Variants in CACNA2D1 observed in about 807,000 individuals in gnomAD.
CACNA2D1 encodes the protein voltage-dependent calcium channel subunit alpha-2/delta-1.
In CACNA2D1, 53 loss-of-function variants were observed where a neutral mutation model predicts 171.5. That is an observed-to-expected ratio of 0.31 (90% confidence interval 0.25 to 0.39). The LOEUF (loss-of-function observed/expected upper bound fraction) is 0.39. CACNA2D1 is among the 10% of genes least tolerant of loss of function. CACNA2D1 has a pLI of 1.00. For synonymous variants in CACNA2D1, 442 were observed against 443.1 expected (o/e 1.00, Z 0.03); for missense variants, 903 against 1,299.8 (o/e 0.69, Z 4.69).
At chr7:82,147,591 C>G (rs1278731670) in intron 4 of CACNA2D1, among the ~76,000 whole-genome samples, 3 of 152,060 alleles carry the variant, frequency 2.0e-5, no homozygotes, top group Non-Finnish European at 4.4e-5. Flanking sequence ...CTCAGACACC[C>G]CACAGATCTT....
At chr7:82,037,818 A>T (rs1803493791) in intron 11 of CACNA2D1, among the ~76,000 whole-genome samples, 1 of 152,210 alleles carries the variant, frequency 6.6e-6, no homozygotes, top group Non-Finnish European at 1.5e-5. Flanking sequence ...ATTCAAAATT[A>T]AATTATTTCC....
intron 3 of CACNA2D1, among the ~76,000 whole-genome samples, chr7:82,190,239 C>A (rs1302531353): frequency 6.6e-6 from 1 of 151,808 alleles, no homozygotes; most frequent in Non-Finnish European, 1.5e-5. Context: ...GACTGCATTA[C>A]TCTTGTTCTA....
chr7:82,147,087 AAC>A (rs1240514486), intron 4 of CACNA2D1, among the ~76,000 whole-genome samples: 1 of 151,496 alleles, frequency 6.6e-6, no homozygotes, highest in Non-Finnish European at 1.5e-5. Context: ...CATAATTCAT[AAC>A]AGTCAAAAAA....
At chr7:82,165,670 A>T (rs12707474) in intron 4 of CACNA2D1, among the ~76,000 whole-genome samples, 1 of 151,614 alleles carries the variant, frequency 6.6e-6, no homozygotes, top group Non-Finnish European at 1.5e-5. Context: ...AGAATTTTGG[A>T]GTAAATGAGC....
chr7:82,097,161 G>A (rs1204042383), intron 6 of CACNA2D1, among the ~76,000 whole-genome samples: 5 of 152,260 alleles, frequency 3.3e-5, no homozygotes, highest in African/African-American at 4.8e-5. Context: ...TAGACATAGG[G>A]CATTCTGGGA....
intron 1 of CACNA2D1, among the ~76,000 whole-genome samples, chr7:82,365,433 A>G (rs1821574045): frequency 6.6e-6 from 1 of 152,190 alleles, no homozygotes; most frequent in East Asian, 1.9e-4. Context: ...TTATAAGACT[A>G]TTTTTATTCA....
chr7:82,271,811 C>T (rs746732553), intron 3 of CACNA2D1, among the ~76,000 whole-genome samples: 1 of 151,858 alleles, frequency 6.6e-6, no homozygotes, highest in Non-Finnish European at 1.5e-5. Context: ...TTTCCTGAAT[C>T]GATTTCAACT....
chr7:82,038,876 T>A (rs1803626287), intron 10 of CACNA2D1, among the ~76,000 whole-genome samples: 1 of 152,030 alleles, frequency 6.6e-6, no homozygotes, highest in Non-Finnish European at 1.5e-5. Flanking sequence ...AGAGAAAACA[T>A]CAACTCCAAC....
chr7:82,213,945 T>C (rs1024938296), intron 3 of CACNA2D1, among the ~76,000 whole-genome samples: 1 of 152,144 alleles, frequency 6.6e-6, no homozygotes, highest in African/African-American at 2.4e-5. Context: ...GGCTGGGAAG[T>C]CCAAGATCAA....
chr7:82,273,757 C>A (rs1808944544), intron 3 of CACNA2D1, among the ~76,000 whole-genome samples: 1 of 152,134 alleles, frequency 6.6e-6, no homozygotes, highest in African/African-American at 2.4e-5. Context: ...TGTGCGTATG[C>A]ATGCATAAGT....
chr7:82,262,258 G>C, intron 3 of CACNA2D1, among the ~76,000 whole-genome samples: 1 of 152,190 alleles, frequency 6.6e-6, no homozygotes, highest in East Asian at 1.9e-4. Context: ...GTGAACCCAG[G>C]ACGTGGAGCT....
chr7:82,174,774 G>A (rs1275683398), intron 3 of CACNA2D1, among the ~76,000 whole-genome samples: 1 of 152,084 alleles, frequency 6.6e-6, no homozygotes, highest in Non-Finnish European at 1.5e-5. Flanking sequence ...CATCTTTACA[G>A]GTCTTGTCCT....
At chr7:82,278,412 C>T (rs1563299847) in intron 3 of CACNA2D1, among the ~76,000 whole-genome samples, 1 of 151,852 alleles carries the variant, frequency 6.6e-6, no homozygotes, top group Non-Finnish European at 1.5e-5. Context: ...AACCCCATAA[C>T]TAATAAAAAT....
intron 1 of CACNA2D1, among the ~76,000 whole-genome samples, chr7:82,374,792 A>T (rs1188847348): frequency 6.7e-6 from 1 of 149,864 alleles, no homozygotes; most frequent in African/African-American, 2.4e-5. Context: ...ATGCCCCCCA[A>T]AAAAAGAAAA....
intron 18 of CACNA2D1, among the ~76,000 whole-genome samples, chr7:82,004,873 A>G (rs915307984): frequency 2.6e-5 from 4 of 152,150 alleles, no homozygotes; most frequent in Non-Finnish European, 5.9e-5. Flanking sequence ...ATGGCATTTT[A>G]TCTCTTTCAG....
intron 3 of CACNA2D1, among the ~76,000 whole-genome samples, chr7:82,260,059 T>C (rs1456409077): frequency 1.3e-5 from 2 of 152,082 alleles, no homozygotes; most frequent in East Asian, 3.9e-4. Context: ...CCATCTCTAC[T>C]AAAAATACAC....
At chr7:82,083,385 A>C (rs1392161696) in intron 7 of CACNA2D1, among the ~76,000 whole-genome samples, 1 of 151,788 alleles carries the variant, frequency 6.6e-6, no homozygotes, top group Non-Finnish European at 1.5e-5. Context: ...CATCAGGTTT[A>C]TTATGCGCAT....
chr7:82,266,695 T>G (rs1410006443), intron 3 of CACNA2D1, among the ~76,000 whole-genome samples: 1 of 152,104 alleles, frequency 6.6e-6, no homozygotes, highest in Non-Finnish European at 1.5e-5. Context: ...TTTTGTATTT[T>G]TAGCAGAGAT....
rs372979105 is a variant in CACNA2D1, at chr7:82,207,428, T to C, written c.295-36819A>G. 2.0e-4 allele frequency among the ~76,000 whole-genome samples: 31 copies of C among 152,324 alleles called. 1 individual carries two copies. In the East Asian group the frequency reaches 5.6e-3, roughly 27 times the overall value. On this transcript the variant is annotated intron_variant, in intron 3 of 38. Transcript: ENST00000356860. ...TGAGACATTCACAATAAAACAGCTT[T>C]GTAAAGTATCAAATGCCATCCAAAA...
Sources: gnomAD v4.1 joint callset for allele counts (sites outside exome capture counted in the v4.1 genomes callset) on GRCh38, gnomAD v4.1.1 for gene constraint, MANE v1.5 for transcripts, NCBI Gene and HGNC (gene_info 2026-07-23, HGNC 2026-07-21) for gene names.